Variants in LARGE1 observed in about 807,000 individuals in gnomAD.
LARGE1 encodes the protein xylosyl- and glucuronyltransferase LARGE1.
A neutral mutation model predicts 87.6 loss-of-function variants in LARGE1; 43 were observed. The ratio of observed to expected loss-of-function variants is 0.49; its 90% CI spans 0.38 to 0.63. LARGE1 has a LOEUF of 0.63. Ranked by LOEUF, LARGE1 falls within the 30% of genes least tolerant of loss-of-function variation. LARGE1 has a pLI of 0.00. For missense variants in LARGE1, 802 were observed against 1,000.2 expected (o/e 0.80, Z 2.67); for synonymous variants, 434 against 394.6 (o/e 1.10, Z -1.18).
chr22:33,617,093 TA>T (rs2079603019), intron 4 of LARGE1, among the ~76,000 whole-genome samples: 1 of 152,212 alleles, frequency 6.6e-6, no homozygotes, highest in Admixed American at 6.5e-5. Flanking sequence ...TGCTAAGCAG[TA>T]AATGGTGTGC....
intron 2 of LARGE1, among the ~76,000 whole-genome samples, chr22:33,656,501 C>T (rs1250502017): frequency 1.3e-5 from 2 of 152,134 alleles, no homozygotes; most frequent in African/African-American, 4.8e-5. Flanking sequence ...CAAACCGTAT[C>T]AATACTCAAA....
intron 5 of LARGE1, among the ~76,000 whole-genome samples, chr22:33,601,235 G>T (rs1602654712): frequency 1.3e-5 from 2 of 152,324 alleles, no homozygotes; most frequent in South Asian, 4.1e-4. Flanking sequence ...AGCAGTGGAA[G>T]GAAGAGACTA....
At chr22:33,595,987 G>C (rs903600031) in intron 5 of LARGE1, among the ~76,000 whole-genome samples, 3 of 152,314 alleles carry the variant, frequency 2.0e-5, no homozygotes, top group Admixed American at 2.0e-4. Flanking sequence ...ATATGGAACA[G>C]GGTCCTTTGG....
At position 33,519,016 on chromosome 22, in the gene LARGE1, C is replaced by G. The variant is rs139760439; in HGVS notation, c.787+45832G>C. Among the ~76,000 whole-genome samples, 225 of 152,212 alleles carry G rather than the reference C, an allele frequency of 1.5e-3. 1 individual carries two copies. Among genetic ancestry groups the G allele is most frequent in the Admixed American group, 3.4e-3 (52 of 15,282 alleles). ...TAGTTGGAACTTACCTAAAACAAGA[C>G]AGCTAGTTGGAATTTGTTTTAGGCA... On this transcript the variant is annotated intron_variant, in intron 6 of 14. Transcript: ENST00000397394.
chr22:33,482,462 T>G (rs2069369697), intron 6 of LARGE1, among the ~76,000 whole-genome samples: 1 of 152,142 alleles, frequency 6.6e-6, no homozygotes, highest in South Asian at 2.1e-4. Flanking sequence ...ACTCACAGTT[T>G]CTGGATTTGG....
rs117917285 is a variant in LARGE1, at chr22:33,781,001, G to A, written c.-82-19443C>T. ...CTGCGATAGCGCACAAAGCTGCCCC[G>A]CCTTAGAAGTCAAGCTAAATGCTTT... On this transcript the variant is annotated intron_variant, in intron 1 of 14. Transcript: ENST00000397394. 5.7e-3 allele frequency among the ~76,000 whole-genome samples: 869 copies of A among 152,296 alleles called. 10 individuals are homozygous for A. The highest frequency in any genetic ancestry group is 0.02 in the African/African-American group (817 of 41,554).
At chr22:33,379,694 A>G (rs2065098004) in intron 9 of LARGE1, among the ~76,000 whole-genome samples, 1 of 152,122 alleles carries the variant, frequency 6.6e-6, no homozygotes, top group African/African-American at 2.4e-5. Context: ...TGAGCAAACA[A>G]TTGCAAGGAT....
At chr22:33,524,056 G>C (rs1021859201) in intron 6 of LARGE1, among the ~76,000 whole-genome samples, 2 of 152,088 alleles carry the variant, frequency 1.3e-5, no homozygotes, top group Non-Finnish European at 2.9e-5. Flanking sequence ...ACTTTAGAAT[G>C]CTGAGGCGGG....
At chr22:33,917,495 A>G (rs1249991025) in intron 1 of LARGE1, among the ~76,000 whole-genome samples, 5 of 152,196 alleles carry the variant, frequency 3.3e-5, no homozygotes, top group African/African-American at 1.2e-4. Context: ...ATGTATTTTT[A>G]AGGGGAATTT....
intron 1 of LARGE1, among the ~76,000 whole-genome samples, chr22:33,828,642 C>T (rs148640138): frequency 6.6e-6 from 1 of 152,298 alleles, no homozygotes; most frequent in Non-Finnish European, 1.5e-5. Flanking sequence ...CACCCAGCAC[C>T]CCTGTGGTTT....
At chr22:33,656,133 G>C (rs958529450) in intron 2 of LARGE1, among the ~76,000 whole-genome samples, 1 of 151,986 alleles carries the variant, frequency 6.6e-6, no homozygotes, top group African/African-American at 2.4e-5. Context: ...GTAGATACTT[G>C]TATTAGTCAA....
At chr22:33,541,454 G>C (rs911947801) in intron 6 of LARGE1, among the ~76,000 whole-genome samples, 6 of 152,112 alleles carry the variant, frequency 3.9e-5, no homozygotes, top group African/African-American at 1.4e-4. Context: ...ATTAACAATA[G>C]CTGACTGTAG....
At chr22:33,626,118 A>G in intron 4 of LARGE1, 126 bp downstream of exon 4, 1 of 795,832 alleles carries the variant, frequency 1.3e-6, no homozygotes. Flanking sequence ...TTCAGACAAA[A>G]ATTACATTTT....
At chr22:33,087,006 A>G in the LARGE1 span, among the ~76,000 whole-genome samples, 2 of 152,176 alleles carry the variant, frequency 1.3e-5, no homozygotes, top group Non-Finnish European at 2.9e-5. Context: ...CAAATTCACC[A>G]AGTATTTGCT....
At chr22:33,601,587 A>G (rs984441746) in intron 5 of LARGE1, among the ~76,000 whole-genome samples, 8 of 152,156 alleles carry the variant, frequency 5.3e-5, no homozygotes, top group African/African-American at 1.9e-4. Flanking sequence ...TTATGAAAAA[A>G]TTACGTTTTA....
rs528924264 is a variant in LARGE1, at chr22:33,851,305, C to T, written c.-83+68690G>A. 2.0e-5 allele frequency among the ~76,000 whole-genome samples: 3 copies of T among 152,358 alleles called. No individual in the cohort carries two copies. In the East Asian group the frequency reaches 5.8e-4, roughly 29 times the overall value. ...TTTACTCAAGACCCCACTGTGTCTT[C>T]CAGCCCTAGCTACCTTCTCTCTACC... On this transcript the variant is annotated intron_variant, in intron 1 of 14. Coordinates refer to ENST00000397394, the MANE Select transcript of LARGE1 (RefSeq NM_133642.5).
At chr22:33,816,577 GCATA>G (rs1186451741) in intron 1 of LARGE1, among the ~76,000 whole-genome samples, 1 of 152,072 alleles carries the variant, frequency 6.6e-6, no homozygotes, top group Non-Finnish European at 1.5e-5. Flanking sequence ...TTAGATTTCA[GCATA>G]CAAATTCTGA....
At chr22:33,805,017 A>G (rs2086265941) in intron 1 of LARGE1, among the ~76,000 whole-genome samples, 2 of 152,148 alleles carry the variant, frequency 1.3e-5, no homozygotes, top group African/African-American at 4.8e-5. Context: ...TGAACTCCTA[A>G]TGTTCTCTCC....
chr22:33,840,301 T>C (rs1236022215), intron 1 of LARGE1, among the ~76,000 whole-genome samples: 1 of 152,210 alleles, frequency 6.6e-6, no homozygotes, highest in Non-Finnish European at 1.5e-5. Flanking sequence ...GGACCTAGTT[T>C]TTAAAAGACA....
Sources: allele counts gnomAD v4.1 joint callset (sites outside exome capture counted in the v4.1 genomes callset), GRCh38; gene constraint gnomAD v4.1.1; transcripts MANE v1.5; gene names NCBI Gene and HGNC (gene_info 2026-07-23, HGNC 2026-07-21).